SZT2: variants seen among roughly 807,000 people sequenced by gnomAD.
The protein encoded by SZT2 is KICSTOR complex protein SZT2.
In SZT2, 216 loss-of-function variants were observed where a neutral mutation model predicts 404.2. The observed-to-expected ratio is 0.53, with a 90% CI of 0.48 to 0.60. The LOEUF (loss-of-function observed/expected upper bound fraction) is 0.60, where lower values mean the gene tolerates loss of function less well. SZT2 is among the 20% of genes least tolerant of loss of function. The pLI is 0.00. For synonymous variants in SZT2, 1,693 were observed against 1,749.9 expected (o/e 0.97, Z 0.81); for missense variants, 3,857 against 4,459.2 (o/e 0.86, Z 3.85).
chr1:43,401,808 AC>A (rs1649725158), intron 1 of SZT2, among the ~76,000 whole-genome samples: 2 of 151,970 alleles, frequency 1.3e-5, no homozygotes, highest in African/African-American at 4.8e-5. Flanking sequence ...TTTACATAGT[AC>A]TTTTGCATAT....
Position 43,404,431 on chromosome 1 carries a change from C to A in SZT2, c.379C>A (p.Arg127Ser), listed in dbSNP as rs150074610. The A allele has an allele frequency of 6.2e-7, 1 of 1,613,914 alleles. No individual in the cohort carries two copies. The highest frequency in any genetic ancestry group is 1.3e-5 in the African/African-American group (1 of 74,908). Residue 127 changes from arginine to serine, a missense_variant, in exon 4 of 72, where the codon CGC becomes AGC. By Grantham distance (110) the Arg-to-Ser change is moderately radical (BLOSUM62 -1). This residue lies in a region of SZT2 where 536 missense variants were observed against 637.4 expected (regional missense o/e 0.84). Coordinates refer to ENST00000634258, the MANE Select transcript of SZT2 (RefSeq NM_001365999.1). ...LFDEVFHALS[R>S]CLGGLLRPFR... The stretch of plus-strand genomic sequence containing the variant: ...TGATGAAGTTTTCCATGCCCTGTCC[C>A]GCTGCTTAGGCGGGCTGCTTCGGCC...
In SZT2 at chr1:43,413,314, A is replaced by G. The variant is rs1651301826; in HGVS notation, c.499-1768A>G. Among the ~76,000 whole-genome samples, 3 of 152,172 alleles carry G rather than the reference A, an allele frequency of 2.0e-5. No homozygotes were observed. The South Asian group carries it at 6.2e-4, about 32-fold the overall frequency. On this transcript the variant is annotated intron_variant, in intron 4 of 71. Transcript: ENST00000634258. ...AGAGAATTGCTTGAATCTGGGAGGC[A>G]GAGATTGCAGTGAGCCGAGATAGTG...
chr1:43,428,743 C>T (rs564233784), intron 28 of SZT2: 8 of 501,948 alleles, frequency 1.6e-5, no homozygotes, highest in Non-Finnish European at 2.9e-5. Flanking sequence ...ATAGGGAGTC[C>T]CCTGGTGCTA....
intron 6 of SZT2, 81 bp from the exon 7 acceptor site, chr1:43,416,454 A>T: frequency 8.5e-7 from 1 of 1,179,326 alleles, no homozygotes; most frequent in East Asian, 2.4e-5. Flanking sequence ...TGAGCCGTTC[A>T]GGACCCTGTC....
intron 66 of SZT2, 46 bp from the exon 67 acceptor site, chr1:43,447,499 C>A: frequency 1.3e-6 from 2 of 1,592,252 alleles, no homozygotes; most frequent in South Asian, 2.3e-5. Flanking sequence ...ACCAGTGTGT[C>A]TGTCCTAGGC....
At position 43,426,874 on chromosome 1, in the gene SZT2, G is replaced by C. The variant is rs1312063363; in HGVS notation, c.3309+65G>C. The C allele has an allele frequency of 1.8e-5, 28 of 1,572,818 alleles. No homozygotes were observed. Among genetic ancestry groups the C allele is most frequent in the Non-Finnish European group, 2.2e-5 (25 of 1,147,598 alleles). On this transcript the variant is annotated intron_variant, in intron 23 of 71. Transcript: ENST00000634258. The surrounding 1 kb of genome is among the most constrained non-coding windows in gnomAD (Gnocchi z 4.9). The stretch of plus-strand genomic sequence containing the variant: ...ACCTCCTTCCAGCACCACATCTTCA[G>C]GCCCCAACCTTCTACCGCCCTTGAG...
intron 4 of SZT2, 123 bp from the exon 5 acceptor site, chr1:43,414,959 G>T (rs1329754520): frequency 2.4e-6 from 3 of 1,267,622 alleles, no homozygotes; most frequent in East Asian, 2.5e-5. Flanking sequence ...TCATACCTTA[G>T]ACCCTGGTTG....
In SZT2 at chr1:43,451,590, G is replaced by T; in HGVS notation, c.*1110G>T. 1 of 1,613,726 alleles carries T rather than the reference G, an allele frequency of 6.2e-7. No homozygotes were observed. The highest frequency in any genetic ancestry group is 8.5e-7 in the Non-Finnish European group (1 of 1,179,742). ...ATGTGGGGTCCAGGCTCCTGCCAGG[G>T]CCTGAAGGACAGATGTGGGGATTGA... On this transcript the variant is annotated 3_prime_UTR_variant, in exon 72 of 72. Coordinates refer to ENST00000634258, the MANE Select transcript of SZT2 (RefSeq NM_001365999.1).
chr1:43,392,516 G>A (rs186561724), intron 1 of SZT2, among the ~76,000 whole-genome samples: 49 of 151,140 alleles, frequency 3.2e-4, no homozygotes, highest in Admixed American at 9.3e-4. Context: ...CCGGGTTCAC[G>A]CCATTCTCCT....
chr1:43,453,634 C>T lies in SZT2; in HGVS notation c.*3154C>T, dbSNP rs1196005627. ...ATCAGTACAAGCCGCAGCCCCGCTTCTCGCGCGGCGCGCGCCAGCGCCTCA... is the reference window on the plus strand; with the variant it reads ...ATCAGTACAAGCCGCAGCCCCGCTTTTCGCGCGGCGCGCGCCAGCGCCTCA... On this transcript the variant is annotated 3_prime_UTR_variant, in exon 72 of 72. Coordinates refer to ENST00000634258, the MANE Select transcript of SZT2 (RefSeq NM_001365999.1). The T allele has an allele frequency of 3.3e-6, 5 of 1,493,636 alleles. No homozygotes were observed. The Admixed American group carries it at 7.0e-5, about 21-fold the overall frequency. 92.5% of individuals were successfully genotyped at this position (1,493,636 alleles called of 1,614,324 possible). A position where few individuals can be genotyped will look rare whatever the true frequency, so the allele number is the denominator to read the frequency against.
rs1242693700 is a variant in SZT2 at position 43,397,425 on chromosome 1, CA to C, written c.28-5739del. ...TGGGTGACAGAGCGAGACTCCATTTCAAAAAAAAAAAAAGAAAAGAAACAAT... is the reference window on the plus strand; with the variant it reads ...TGGGTGACAGAGCGAGACTCCATTTCAAAAAAAAAAAAGAAAAGAAACAAT... On this transcript the variant is annotated intron_variant, in intron 1 of 71. Coordinates refer to ENST00000634258, the MANE Select transcript of SZT2 (RefSeq NM_001365999.1). Among the ~76,000 whole-genome samples, 405 of 123,994 alleles carry C rather than the reference CA, an allele frequency of 3.3e-3. 1 individual carries two copies. Among genetic ancestry groups the C allele is most frequent in the African/African-American group, 5.3e-3 (180 of 33,820 alleles). The allele number at this position is 123,994 out of a possible 152,430, so 81.3% of individuals were successfully genotyped here.
chr1:43,453,525 G>T lies in SZT2; in HGVS notation c.*3045G>T, dbSNP rs540754729. 2 of 1,533,232 alleles carry T rather than the reference G, an allele frequency of 1.3e-6. No homozygotes were observed. Among genetic ancestry groups the T allele is most frequent in the Admixed American group, 2.0e-5 (1 of 50,058 alleles). The allele number at this position is 1,533,232 out of a possible 1,614,324, so 95.0% of individuals were successfully genotyped here. A position where few individuals can be genotyped will look rare whatever the true frequency, so the allele number is the denominator to read the frequency against. On this transcript the variant is annotated 3_prime_UTR_variant, in exon 72 of 72. Coordinates refer to ENST00000634258, the MANE Select transcript of SZT2 (RefSeq NM_001365999.1). The stretch of plus-strand genomic sequence containing the variant: ...GCAGAGAGAACGGGCCTCAGCCCCC[G>T]GCTCGGACACTCCCCTGCCCGCGCC...
In SZT2 at chr1:43,403,782, A is replaced by G. The variant is rs775002092; in HGVS notation, c.327+8A>G. ...CCATCTACTGGCATTGTGGTAAAGG[A>G]TTGAAGGGAGACTGTGGGAAGAAAG... is the stretch of plus-strand genomic sequence containing the variant. On this transcript the variant is annotated splice_region_variant and intron_variant, in intron 3 of 71. Coordinates refer to ENST00000634258, the MANE Select transcript of SZT2 (RefSeq NM_001365999.1). 3.7e-6 allele frequency: 6 copies of G among 1,611,704 alleles called. No homozygotes were observed. Among genetic ancestry groups the G allele is most frequent in the Non-Finnish European group, 3.4e-6 (4 of 1,178,036 alleles).
In SZT2 at chr1:43,439,697, C is replaced by G. The variant is rs1654853626; in HGVS notation, c.6970C>G (p.Pro2324Ala). The change falls in exon 50 of 72, where the codon CCA (proline) becomes GCA (alanine). Residue 2324 changes from proline (P) to alanine (A), a missense_variant. Physicochemically the swap from Pro to Ala is conservative, Grantham distance 27. This residue lies in a region of SZT2 where 573 missense variants were observed against 592.4 expected (regional missense o/e 0.97). Coordinates refer to ENST00000634258, the MANE Select transcript of SZT2 (RefSeq NM_001365999.1). The surrounding 1 kb of genome is among the most constrained non-coding windows in gnomAD (Gnocchi z 4.2). Reference protein sequence around the residue: ...WPPSSPGPPDPLREEEFEQLT... With the variant: ...WPPSSPGPPDALREEEFEQLT... Reference sequence around the variant, plus strand: ...CCCCTCCTCTCCGGGGCCCCCAGACCCACTGCGAGAGGAGGAATTTGAGCA... The same window carrying G: ...CCCCTCCTCTCCGGGGCCCCCAGACGCACTGCGAGAGGAGGAATTTGAGCA... The G allele has an allele frequency of 6.2e-7, 1 of 1,612,308 alleles. No individual in the cohort carries two copies. The highest frequency in any genetic ancestry group is 8.5e-7 in the Non-Finnish European group (1 of 1,179,148).
At chr1:43,396,639 T>C (rs1649030716) in intron 1 of SZT2, among the ~76,000 whole-genome samples, 1 of 152,258 alleles carries the variant, frequency 6.6e-6, no homozygotes, top group Admixed American at 6.5e-5. Context: ...CAAGGTGCTT[T>C]CACACATCAT....
intron 4 of SZT2, chr1:43,412,543 C>G (rs540208771): frequency 1.3e-5 from 2 of 152,348 alleles, no homozygotes; most frequent in African/African-American, 4.8e-5. Context: ...ATCTTGGCCT[C>G]CCAAAGTGCT....
rs1469167419 is a variant in SZT2 at position 43,450,258 on chromosome 1, CCCA to C, written c.10156-76_10156-74del. Reference sequence around the variant, plus strand: ...CTCGGAGCCTGCTGAGGTTGGGGTGCCCACCCTTTCTGAGCCCTGCCTCCTATC... The same window carrying C: ...CTCGGAGCCTGCTGAGGTTGGGGTGCCCCTTTCTGAGCCCTGCCTCCTATC... On this transcript the variant is annotated intron_variant, in intron 71 of 71. Coordinates refer to ENST00000634258, the MANE Select transcript of SZT2 (RefSeq NM_001365999.1). This position sits in a 1 kb window ranked among gnomAD's most constrained non-coding sequence, Gnocchi z 4.3. 8 of 1,613,580 alleles carry C rather than the reference CCCA, an allele frequency of 5.0e-6. No individual in the cohort carries two copies. The highest frequency in any genetic ancestry group is 1.3e-5 in the African/African-American group (1 of 75,024).
chr1:43,415,174 G>A lies in SZT2; in HGVS notation c.591G>A (p.Val197=), dbSNP rs2153931453. ...YEQLCLFEDK[V]ATMLQQQYDP... ...AGCTCTGCCTCTTTGAGGATAAGGTGGCCACCATGCTGCAGCAGCAGTACG... is the reference window on the plus strand; with the variant it reads ...AGCTCTGCCTCTTTGAGGATAAGGTAGCCACCATGCTGCAGCAGCAGTACG... Residue 197 remains valine, a synonymous_variant, in exon 5 of 72, where the codon GTG becomes GTA. Transcript: ENST00000634258. The A allele has an allele frequency of 1.3e-6, 2 of 1,598,042 alleles. No individual in the cohort carries two copies. The highest frequency in any genetic ancestry group is 1.7e-4 in the Middle Eastern group (1 of 6,022).
chr1:43,403,099 T>C, intron 1 of SZT2, 78 bp from the exon 2 acceptor site: 1 of 1,520,844 alleles, frequency 6.6e-7, no homozygotes, highest in Non-Finnish European at 9.0e-7. Context: ...CTTGGGCAAA[T>C]TATTTGGACA....
Sources: allele counts gnomAD v4.1 joint callset (sites outside exome capture counted in the v4.1 genomes callset), GRCh38; gene constraint gnomAD v4.1.1; regional missense constraint gnomAD v4.1.1; non-coding constraint Gnocchi (gnomAD v3.1); transcripts MANE v1.5; gene names NCBI Gene and HGNC (gene_info 2026-07-23, HGNC 2026-07-21).